Variants in COL5A2 observed in about 807,000 individuals in gnomAD.
COL5A2 encodes the protein collagen alpha-2(V) chain.
Under a neutral mutation model 208.2 loss-of-function variants are expected in COL5A2, and 23 were observed. The observed-to-expected ratio is 0.11, with a 90% CI of 0.08 to 0.16. The LOEUF is 0.16. Among genes scored for constraint, COL5A2 ranks in the 10% least tolerant of loss-of-function variants. The pLI is 1.00. For missense variants in COL5A2, 1,590 were observed against 1,956.4 expected (o/e 0.81, Z 3.53); for synonymous variants, 625 against 628.5 (o/e 0.99, Z 0.08).
intron 36 of COL5A2, 82 bp downstream of exon 36, chr2:189,054,077 T>A: frequency 2.8e-6 from 4 of 1,435,690 alleles, no homozygotes; most frequent in Non-Finnish European, 2.9e-6. Context: ...TACCATATGT[T>A]ATAAAATGAA....
At chr2:189,046,466 C>G (rs1005349425) in intron 45 of COL5A2, among the ~76,000 whole-genome samples, 1 of 152,152 alleles carries the variant, frequency 6.6e-6, no homozygotes, top group African/African-American at 2.4e-5. Flanking sequence ...ATAAATACCT[C>G]TAGGCACTGA....
chr2:189,271,492 T>C, the COL5A2 span, among the ~76,000 whole-genome samples: 2 of 152,098 alleles, frequency 1.3e-5, no homozygotes, highest in African/African-American at 2.4e-5. Context: ...CCTTACACCA[T>C]ATACAAAAAT....
intron 51 of COL5A2, among the ~76,000 whole-genome samples, chr2:189,037,105 A>G (rs892847871): frequency 6.6e-6 from 1 of 152,176 alleles, no homozygotes; most frequent in African/African-American, 2.4e-5. Flanking sequence ...AATCTATAGT[A>G]AGCGGCTTTA....
the COL5A2 span, among the ~76,000 whole-genome samples, chr2:189,292,814 T>C: frequency 6.6e-6 from 1 of 152,172 alleles, no homozygotes; most frequent in Non-Finnish European, 1.5e-5. Context: ...CATATGTTTA[T>C]TGTGGCACTA....
rs1307042346 is a variant in COL5A2, at chr2:189,157,908, C to T, written c.97+21600G>A. Among the ~76,000 whole-genome samples the T allele has an allele frequency of 2.0e-5, 3 of 151,806 alleles. No homozygotes were observed. In the East Asian group the frequency reaches 5.8e-4, roughly 29 times the overall value. ...TAAACAGGAAACAATATTTTTGTGG[C>T]AACTAAATTTTCAAAACATTCCCAT... On this transcript the variant is annotated intron_variant, in intron 1 of 53. Transcript: ENST00000374866.
chr2:189,199,807 T>C (rs886696170), intron 1 of COL5A2, among the ~76,000 whole-genome samples: 1 of 152,172 alleles, frequency 6.6e-6, no homozygotes, highest in Non-Finnish European at 1.5e-5. Context: ...GCAACATAAG[T>C]GTACTTGGAT....
At chr2:189,109,892 T>C (rs1286463796) in intron 2 of COL5A2, among the ~76,000 whole-genome samples, 1 of 152,158 alleles carries the variant, frequency 6.6e-6, no homozygotes, top group African/African-American at 2.4e-5. Context: ...ATTAATGGAC[T>C]TAAAGGGAAA....
chr2:189,312,381 C>T, the COL5A2 span, among the ~76,000 whole-genome samples: 1 of 152,118 alleles, frequency 6.6e-6, no homozygotes, highest in Non-Finnish European at 1.5e-5. Flanking sequence ...GCCCCAGAAG[C>T]TGGTGGAGCG....
Position 189,110,314 on chromosome 2 carries a change from T to C in COL5A2, c.233A>G (p.Asp78Gly), listed in dbSNP as rs201022138. ...AILCDKIECQ[D>G]VLDCADPVTP... Reference sequence around the variant, plus strand: ...TACAGGGTCGGCACAGTCCAGCACATCCTGGCATTCTATCTTGTCACAGAG... The same window carrying C: ...TACAGGGTCGGCACAGTCCAGCACACCCTGGCATTCTATCTTGTCACAGAG... The change falls in exon 2 of 54, where the codon GAT (aspartate) becomes GGT (glycine). Residue 78 changes from aspartate to glycine, a missense_variant. Transcript: ENST00000374866. 2.5e-6 allele frequency: 4 copies of C among 1,614,038 alleles called. No homozygotes were observed. The African/African-American group carries it at 4.0e-5, about 16-fold the overall frequency.
Position 189,148,863 on chromosome 2 carries a change from G to T in COL5A2, c.97+30645C>A, listed in dbSNP as rs183972179. ...CAACATGAAATACTGATTATGGCCT[G>T]GTGCAGTGGCTCACGCCTGTAATCC... On this transcript the variant is annotated intron_variant, in intron 1 of 53. Coordinates refer to ENST00000374866, the MANE Select transcript of COL5A2 (RefSeq NM_000393.5). Among the ~76,000 whole-genome samples the T allele has an allele frequency of 3.6e-3, 543 of 152,312 alleles. 3 individuals are homozygous for T. Among genetic ancestry groups the T allele is most frequent in the Non-Finnish European group, 6.0e-3 (409 of 68,034 alleles).
At chr2:189,368,505 C>T in the COL5A2 span, among the ~76,000 whole-genome samples, 2 of 152,124 alleles carry the variant, frequency 1.3e-5, no homozygotes, top group African/African-American at 4.8e-5. Flanking sequence ...TAAGCAAATA[C>T]CAAAATTATT....
the COL5A2 span, among the ~76,000 whole-genome samples, chr2:189,328,630 G>A: frequency 6.6e-6 from 1 of 152,218 alleles, no homozygotes; most frequent in Non-Finnish European, 1.5e-5. Flanking sequence ...ACAAAAGGTA[G>A]CAGCTGCCAA....
At chr2:189,157,817 C>T (rs1688283937) in intron 1 of COL5A2, among the ~76,000 whole-genome samples, 1 of 151,972 alleles carries the variant, frequency 6.6e-6, no homozygotes, top group Non-Finnish European at 1.5e-5. Context: ...AATGAAATCA[C>T]TGCAATAATA....
At chr2:189,352,215 G>C in the COL5A2 span, among the ~76,000 whole-genome samples, 1 of 152,182 alleles carries the variant, frequency 6.6e-6, no homozygotes, top group East Asian at 1.9e-4. Flanking sequence ...TGGTCTTTTG[G>C]GTTGGTTCCA....
intron 11 of COL5A2, among the ~76,000 whole-genome samples, chr2:189,084,865 T>C (rs1348821621): frequency 2.0e-5 from 3 of 152,178 alleles, no homozygotes; most frequent in South Asian, 2.1e-4. Context: ...GTGGTTCCAC[T>C]AGGAAAAGTT....
At chr2:189,139,499 G>A (rs777252950) in intron 1 of COL5A2, among the ~76,000 whole-genome samples, 1 of 152,076 alleles carries the variant, frequency 6.6e-6, no homozygotes, top group Non-Finnish European at 1.5e-5. Flanking sequence ...TCTGGAAACT[G>A]TCATAGCCAA....
At chr2:189,252,463 G>T in the COL5A2 span, among the ~76,000 whole-genome samples, 388 of 152,262 alleles carry the variant, frequency 2.5e-3, no homozygotes, top group Middle Eastern at 0.034. Flanking sequence ...CCTTTGTAGG[G>T]ACATGGATGA....
chr2:189,075,467 A>G, intron 16 of COL5A2, 30 bp from the exon 17 acceptor site: 1 of 1,559,098 alleles, frequency 6.4e-7, no homozygotes, highest in Non-Finnish European at 8.8e-7. Context: ...ACAAGACAGG[A>G]TAAGATTACA....
At chr2:189,200,135 A>G (rs1689052659) in intron 1 of COL5A2, among the ~76,000 whole-genome samples, 1 of 152,156 alleles carries the variant, frequency 6.6e-6, no homozygotes, top group Non-Finnish European at 1.5e-5. Context: ...AGGGTAATAA[A>G]GGCAGGCCCT....
Sources: allele counts gnomAD v4.1 joint callset (sites outside exome capture counted in the v4.1 genomes callset), GRCh38; gene constraint gnomAD v4.1.1; transcripts MANE v1.5; gene names NCBI Gene and HGNC (gene_info 2026-07-23, HGNC 2026-07-21).